The following GABRB1 variants were observed in gnomAD, a reference collection of about 807,000 sequenced individuals.
The protein encoded by GABRB1 is gamma-aminobutyric acid type A receptor subunit beta1.
Under a neutral mutation model 51.6 loss-of-function variants are expected in GABRB1, and 17 were observed. That is an observed-to-expected ratio of 0.33 (90% confidence interval 0.23 to 0.49). The LOEUF is 0.49. GABRB1 is among the 20% of genes least tolerant of loss of function. The pLI is 0.99. For missense variants in GABRB1, 410 were observed against 600.6 expected, an observed-to-expected ratio of 0.68 and a Z score of 3.32; for synonymous variants, 247 against 218.9, an observed-to-expected ratio of 1.13 and a Z score of -1.14.
At chr4:47,384,243 C>T (rs542023938) in intron 5 of GABRB1, among the ~76,000 whole-genome samples, 39 of 152,088 alleles carry the variant, frequency 2.6e-4, no homozygotes, top group Admixed American at 5.9e-4. Context: ...CACACACATA[C>T]ATTTTTATTA....
chr4:47,261,020 C>G (rs926051816), intron 4 of GABRB1, among the ~76,000 whole-genome samples: 4 of 152,166 alleles, frequency 2.6e-5, no homozygotes, highest in Non-Finnish European at 4.4e-5. Context: ...TAAAAACTCT[C>G]AAGAAATTAG....
At chr4:47,356,076 A>C (rs890549087) in intron 5 of GABRB1, among the ~76,000 whole-genome samples, 10 of 152,226 alleles carry the variant, frequency 6.6e-5, no homozygotes, top group African/African-American at 2.4e-4. Flanking sequence ...CCTAGTAGGC[A>C]TTCAATAGAT....
chr4:47,045,863 A>G (rs1726060849), intron 3 of GABRB1, among the ~76,000 whole-genome samples: 2 of 152,042 alleles, frequency 1.3e-5, no homozygotes, highest in African/African-American at 4.8e-5. Flanking sequence ...CATCCTATTT[A>G]TTCAACATTT....
chr4:47,250,682 G>A (rs1405446724), intron 4 of GABRB1, among the ~76,000 whole-genome samples: 1 of 152,020 alleles, frequency 6.6e-6, no homozygotes, highest in Non-Finnish European at 1.5e-5. Context: ...TGTTGGATTG[G>A]ATTAACTTTA....
intron 3 of GABRB1, among the ~76,000 whole-genome samples, chr4:47,109,414 A>G (rs770149280): frequency 6.6e-6 from 1 of 152,190 alleles, no homozygotes; most frequent in Non-Finnish European, 1.5e-5. Flanking sequence ...CTTGCCATTC[A>G]TATACTCACA....
At chr4:47,110,604 A>G (rs1309509214) in intron 3 of GABRB1, among the ~76,000 whole-genome samples, 1 of 152,182 alleles carries the variant, frequency 6.6e-6, no homozygotes, top group Non-Finnish European at 1.5e-5. Context: ...ATCTAAGGGA[A>G]TCTGTTTTGT....
chr4:47,423,958 GATAATA>G (rs1467573689), intron 8 of GABRB1, among the ~76,000 whole-genome samples: 4 of 151,988 alleles, frequency 2.6e-5, no homozygotes, highest in Non-Finnish European at 5.9e-5. Context: ...ACAACAACAA[GATAATA>G]ATAATAACTC....
chr4:47,034,279 C>T (rs1725459071), intron 3 of GABRB1, among the ~76,000 whole-genome samples: 1 of 151,660 alleles, frequency 6.6e-6, no homozygotes, highest in Non-Finnish European at 1.5e-5. Flanking sequence ...TTTTAAAACT[C>T]AATTAAATAG....
intron 1 of GABRB1, among the ~76,000 whole-genome samples, chr4:47,024,933 C>CATATGTATATATATATATATATAT (rs1725039820): frequency 1.2e-5 from 1 of 86,202 alleles, no homozygotes; most frequent in African/African-American, 5.0e-5. Flanking sequence ...AGTATTCCAT[C>CATATGTATATATATATATATATAT]ATATATATAT....
intron 5 of GABRB1, among the ~76,000 whole-genome samples, chr4:47,339,478 A>C (rs1221511770): frequency 6.6e-6 from 1 of 152,106 alleles, no homozygotes; most frequent in Non-Finnish European, 1.5e-5. Context: ...TAATTATTGC[A>C]TTCAACCAAT....
intron 3 of GABRB1, among the ~76,000 whole-genome samples, chr4:47,078,539 T>C (rs1195422761): frequency 1.3e-5 from 2 of 152,164 alleles, no homozygotes; most frequent in African/African-American, 4.8e-5. Flanking sequence ...GCACAGCATA[T>C]AAAATTTAGA....
chr4:47,337,509 G>C (rs990455884), intron 5 of GABRB1, among the ~76,000 whole-genome samples: 3 of 151,942 alleles, frequency 2.0e-5, no homozygotes, highest in Non-Finnish European at 4.4e-5. Flanking sequence ...ACAGAATAAG[G>C]AATGCATAGA....
At chr4:47,076,504 C>G (rs766760038) in intron 3 of GABRB1, among the ~76,000 whole-genome samples, 1 of 152,138 alleles carries the variant, frequency 6.6e-6, no homozygotes, top group Non-Finnish European at 1.5e-5. Context: ...CTTCAGAGCA[C>G]AGGAAAACTC....
At chr4:47,004,556 A>C (rs952848421) in intron 1 of GABRB1, among the ~76,000 whole-genome samples, 2 of 152,210 alleles carry the variant, frequency 1.3e-5, no homozygotes, top group African/African-American at 4.8e-5. Context: ...TCCCTGGTTT[A>C]ATTTCCAATG....
At position 47,390,471 on chromosome 4, in the gene GABRB1, T is replaced by A. The variant is rs535717656; in HGVS notation, c.545-12847T>A. Among the ~76,000 whole-genome samples, 197 of 152,200 alleles carry A rather than the reference T, an allele frequency of 1.3e-3. 1 individual carries two copies. The highest frequency in any genetic ancestry group is 1.7e-3 in the Non-Finnish European group (118 of 68,002). Reference sequence around the variant, plus strand: ...ATTAGAAAATGCATCCAAAATAGAGTGTTTCAAGTACCAAAAGAATACTAA... The same window carrying A: ...ATTAGAAAATGCATCCAAAATAGAGAGTTTCAAGTACCAAAAGAATACTAA... On this transcript the variant is annotated intron_variant, in intron 5 of 8. Transcript: ENST00000295454.
chr4:47,001,421 T>C (rs186795013), intron 1 of GABRB1, among the ~76,000 whole-genome samples: 106 of 152,308 alleles, frequency 7.0e-4, no homozygotes, highest in South Asian at 5.2e-3. Context: ...GAATTACAGG[T>C]GTGAGCCACC....
intron 4 of GABRB1, among the ~76,000 whole-genome samples, chr4:47,287,330 T>C (rs1398433544): frequency 1.3e-5 from 2 of 152,240 alleles, no homozygotes; most frequent in Non-Finnish European, 2.9e-5. Context: ...TCTATGGTGC[T>C]ATGGGAAGTT....
At chr4:47,179,613 T>G in intron 4 of GABRB1, among the ~76,000 whole-genome samples, 1 of 151,972 alleles carries the variant, frequency 6.6e-6, no homozygotes, top group Non-Finnish European at 1.5e-5. Context: ...AGACACAAAA[T>G]AAAAAAATAG....
At chr4:47,178,029 T>A (rs562975559) in intron 4 of GABRB1, among the ~76,000 whole-genome samples, 1 of 152,114 alleles carries the variant, frequency 6.6e-6, no homozygotes, top group East Asian at 1.9e-4. Flanking sequence ...ATTAAAAGGA[T>A]GGATGTTGGT....
Sources: allele counts gnomAD v4.1 joint callset (sites outside exome capture counted in the v4.1 genomes callset), GRCh38; gene constraint gnomAD v4.1.1; transcripts MANE v1.5; gene names NCBI Gene and HGNC (gene_info 2026-07-23, HGNC 2026-07-21).